Variants in CARMIL1 observed in about 807,000 individuals in gnomAD.
The protein encoded by CARMIL1 is capping protein regulator and myosin 1 linker 1, also known as F-actin-uncapping protein LRRC16A.
Under a neutral mutation model 177.1 loss-of-function variants are expected in CARMIL1, and 90 were observed. That is an observed-to-expected ratio of 0.51 (90% CI 0.43 to 0.61). The LOEUF (loss-of-function observed/expected upper bound fraction) is 0.61, where lower values mean the gene tolerates loss of function less well. Ranked by LOEUF, CARMIL1 falls within the 20% of genes least tolerant of loss-of-function variation. The pLI is 0.00. For missense variants in CARMIL1, 1,380 were observed against 1,667.0 expected, an observed-to-expected ratio of 0.83 and a Z score of 3.00; for synonymous variants, 577 against 606.2, an observed-to-expected ratio of 0.95 and a Z score of 0.71.
chr6:25,428,610 G>C (rs1796472410), intron 4 of CARMIL1, among the ~76,000 whole-genome samples: 1 of 152,036 alleles, frequency 6.6e-6, no homozygotes, highest in Non-Finnish European at 1.5e-5. Context: ...AAATCACTTT[G>C]GGGAAGAGCT....
chr6:25,490,141 C>T (rs368696887), intron 13 of CARMIL1, among the ~76,000 whole-genome samples: 4 of 152,174 alleles, frequency 2.6e-5, no homozygotes, highest in Admixed American at 6.5e-5. Context: ...AGGAGCCTGG[C>T]GGCAGGTGCA....
chr6:25,581,559 A>G, intron 31 of CARMIL1, 120 bp downstream of exon 31: 1 of 862,218 alleles, frequency 1.2e-6, no homozygotes. Flanking sequence ...GGAGACTAGA[A>G]CCTCTTTGCA....
rs565226355 is a variant in CARMIL1 at position 25,487,791 on chromosome 6, C to A, written c.962-691C>A. On this transcript the variant is annotated intron_variant, in intron 12 of 36. Coordinates refer to ENST00000329474, the MANE Select transcript of CARMIL1 (RefSeq NM_017640.6). ...CACCTATAAGAGAACTTAGTTCTAT[C>A]CATACAGGATAAGCAGCCTCCTCAC... is the stretch of plus-strand genomic sequence containing the variant. Among the ~76,000 whole-genome samples the A allele has an allele frequency of 4.1e-4, 62 of 152,298 alleles. 1 individual carries two copies. The highest frequency in any genetic ancestry group is 3.4e-3 in the Middle Eastern group (1 of 294).
At chr6:25,455,457 A>G (rs1799420770) in intron 8 of CARMIL1, among the ~76,000 whole-genome samples, 1 of 152,210 alleles carries the variant, frequency 6.6e-6, no homozygotes, top group Non-Finnish European at 1.5e-5. Flanking sequence ...GATACTCTAC[A>G]GTCAAACCAT....
intron 17 of CARMIL1, 127 bp downstream of exon 17, chr6:25,500,362 G>A: frequency 1.3e-6 from 1 of 755,590 alleles, no homozygotes; most frequent in South Asian, 1.8e-5. Flanking sequence ...AATTATACAA[G>A]TTTCTAATGT....
rs561457874 is a variant in CARMIL1, at chr6:25,526,031, C to T, written c.1969-2764C>T. Among the ~76,000 whole-genome samples the T allele has an allele frequency of 1.0e-3, 152 of 151,592 alleles. 1 individual carries two copies. Among genetic ancestry groups the T allele is most frequent in the Admixed American group, 3.5e-3 (54 of 15,230 alleles). ...GGTATAGAAAATGGACATTCAGGGCCGGGCGTGGTGGTTAATGCCTGTAAT... is the reference window on the plus strand; with the variant it reads ...GGTATAGAAAATGGACATTCAGGGCTGGGCGTGGTGGTTAATGCCTGTAAT... On this transcript the variant is annotated intron_variant, in intron 23 of 36. Transcript: ENST00000329474.
intron 17 of CARMIL1, among the ~76,000 whole-genome samples, chr6:25,502,547 A>T (rs1180732292): frequency 2.7e-5 from 2 of 73,934 alleles, no homozygotes; most frequent in Non-Finnish European, 6.1e-5. Flanking sequence ...GCTAGACTCT[A>T]TCTCAAAAAA....
intron 26 of CARMIL1, among the ~76,000 whole-genome samples, chr6:25,545,800 C>T (rs1393074253): frequency 1.3e-5 from 2 of 152,058 alleles, no homozygotes; most frequent in African/African-American, 4.8e-5. Context: ...AATTCTAACT[C>T]ATGGGTCAAA....
At chr6:25,315,457 C>T (rs1784201540) in intron 2 of CARMIL1, among the ~76,000 whole-genome samples, 1 of 152,240 alleles carries the variant, frequency 6.6e-6, no homozygotes, top group South Asian at 2.1e-4. Context: ...CTAAGGGCTC[C>T]CTAAATGCCC....
intron 26 of CARMIL1, among the ~76,000 whole-genome samples, chr6:25,540,936 G>T (rs974656288): frequency 6.6e-6 from 1 of 152,194 alleles, no homozygotes; most frequent in Admixed American, 6.5e-5. Context: ...CTGTCTTCCT[G>T]TGCATATAAT....
At chr6:25,483,947 G>T (rs200515014) in intron 12 of CARMIL1, among the ~76,000 whole-genome samples, 1 of 151,860 alleles carries the variant, frequency 6.6e-6, no homozygotes, top group Admixed American at 6.6e-5. Flanking sequence ...TTTTTGTAGA[G>T]ACAGAGTTTC....
chr6:25,556,873 A>T (rs1437653803), intron 29 of CARMIL1, 23 bp downstream of exon 29: 4 of 1,608,038 alleles, frequency 2.5e-6, no homozygotes, highest in African/African-American at 2.7e-5. Context: ...CTCTGGTGGT[A>T]CCGTTACCCT....
At chr6:25,327,867 T>C (rs1335405819) in intron 2 of CARMIL1, among the ~76,000 whole-genome samples, 1 of 152,228 alleles carries the variant, frequency 6.6e-6, no homozygotes, top group Non-Finnish European at 1.5e-5. Flanking sequence ...GATTTATAAC[T>C]TGCATATCTC....
Position 25,468,560 on chromosome 6 carries a change from G to A in CARMIL1, c.691-2609G>A, listed in dbSNP as rs370530701. 9.8e-5 allele frequency among the ~76,000 whole-genome samples: 15 copies of A among 152,332 alleles called. 1 individual carries two copies. The East Asian group carries it at 1.7e-3, about 18-fold the overall frequency. The stretch of plus-strand genomic sequence containing the variant: ...TAAAAAATTTCCTAAACTGATGCAC[G>A]TAGTGCTGCACATGCTGTAGACATT... On this transcript the variant is annotated intron_variant, in intron 9 of 36. Coordinates refer to ENST00000329474, the MANE Select transcript of CARMIL1 (RefSeq NM_017640.6).
At chr6:25,472,769 T>C (rs956761438) in intron 11 of CARMIL1, 4 of 481,562 alleles carry the variant, frequency 8.3e-6, no homozygotes, top group African/African-American at 5.9e-5. Flanking sequence ...GTTTTATTAG[T>C]TACATAGTCC....
At chr6:25,450,917 C>T (rs149036178) in intron 8 of CARMIL1, among the ~76,000 whole-genome samples, 11,051 of 15,760 alleles carry the variant, frequency 0.7, 3,558 homozygotes, top group Middle Eastern at 1. Context: ...TTTCCTTCTC[C>T]TCTCCTCTCC....
intron 2 of CARMIL1, among the ~76,000 whole-genome samples, chr6:25,312,241 C>T (rs937042581): frequency 8.5e-5 from 13 of 152,182 alleles, no homozygotes; most frequent in South Asian, 2.1e-4. Context: ...CTCCTGACAG[C>T]GACCTCACCA....
At chr6:25,285,315 A>AT (rs1429163767) in intron 2 of CARMIL1, among the ~76,000 whole-genome samples, 1 of 152,130 alleles carries the variant, frequency 6.6e-6, no homozygotes, top group Non-Finnish European at 1.5e-5. Flanking sequence ...ACTTAATTAG[A>AT]TTTTCTCAGA....
chr6:25,367,285 C>T (rs543271549), intron 2 of CARMIL1, among the ~76,000 whole-genome samples: 1 of 151,998 alleles, frequency 6.6e-6, no homozygotes, highest in Non-Finnish European at 1.5e-5. Context: ...CTGAGGGTAT[C>T]CCTATAGATG....
Sources: allele counts gnomAD v4.1 joint callset (sites outside exome capture counted in the v4.1 genomes callset), GRCh38; gene constraint gnomAD v4.1.1; transcripts MANE v1.5; gene names NCBI Gene and HGNC (gene_info 2026-07-23, HGNC 2026-07-21).